The following CNTLN variants were observed in gnomAD, a reference collection of about 807,000 sequenced individuals.
CNTLN encodes the protein centlein, centrosomal protein.
A neutral mutation model predicts 180.0 loss-of-function variants in CNTLN; 212 were observed. The ratio of observed to expected loss-of-function variants is 1.18; its 90% CI spans 1.05 to 1.32. CNTLN has a LOEUF of 1.32. Among genes scored for constraint, CNTLN ranks in the 40% most tolerant of loss-of-function variants. The pLI, the probability that CNTLN is intolerant of heterozygous loss-of-function variation, is 0.00. For synonymous variants in CNTLN, 722 were observed against 563.1 expected (o/e 1.28, Z -3.99); for missense variants, 2,095 against 1,610.9 (o/e 1.30, Z -5.14).
chr9:17,513,076 C>T, the CNTLN span, among the ~76,000 whole-genome samples: 18 of 152,240 alleles, frequency 1.2e-4, no homozygotes, highest in Non-Finnish European at 2.5e-4. Context: ...TCCTTGGCCT[C>T]CCAAAGTGCT....
At chr9:17,195,043 A>G (rs1822042717) in intron 2 of CNTLN, among the ~76,000 whole-genome samples, 1 of 152,146 alleles carries the variant, frequency 6.6e-6, no homozygotes, top group African/African-American at 2.4e-5. Flanking sequence ...CCCTCCCATA[A>G]CGTGGGAATT....
chr9:17,504,007 G>A (rs574512922), downstream of CNTLN: 10 of 152,558 alleles, frequency 6.6e-5, no homozygotes, highest in African/African-American at 2.4e-4. Flanking sequence ...GGAAGAGACT[G>A]TGCTTCTCTC....
chr9:17,464,691 A>G (rs1199452898), intron 21 of CNTLN, 68 bp downstream of exon 21: 3 of 987,094 alleles, frequency 3.0e-6, no homozygotes, highest in Non-Finnish European at 4.4e-6. Context: ...CTTACCACAA[A>G]CATTTAATCC....
At chr9:17,400,611 T>G (rs1490284124) in intron 15 of CNTLN, among the ~76,000 whole-genome samples, 1 of 152,212 alleles carries the variant, frequency 6.6e-6, no homozygotes, top group Non-Finnish European at 1.5e-5. Context: ...GATAGGATCA[T>G]ATTCATAGAT....
chr9:17,383,404 C>G (rs1046413107), intron 13 of CNTLN, among the ~76,000 whole-genome samples: 1 of 151,712 alleles, frequency 6.6e-6, no homozygotes, highest in Admixed American at 6.6e-5. Flanking sequence ...CTACCAGCTA[C>G]TTGGGTCGCT....
Position 17,235,695 on chromosome 9 carries a change from TA to T in CNTLN, c.576del (p.Lys192AsnfsTer6), listed in dbSNP as rs1451166697. 1.9e-6 allele frequency: 3 copies of T among 1,608,838 alleles called. No homozygotes were observed. The highest frequency in any genetic ancestry group is 2.2e-5 in the East Asian group (1 of 44,532). Reference sequence around the variant, plus strand: ...CTGAAACAGGAAATAAATGACCTTGTAAAACGGAAAATTGCAGTAGATGAAG... The same window carrying T: ...CTGAAACAGGAAATAAATGACCTTGTAAACGGAAAATTGCAGTAGATGAAG... Reference protein sequence around the residue: ...SVLKQEINDLVKRKIAVDEEN... With the variant: ...SVLKQEINDLXKRKIAVDEEN... On this transcript the variant is annotated frameshift_variant, in exon 4 of 26. Transcript: ENST00000380647. LOFTEE classifies it high-confidence loss of function.
Position 17,273,875 on chromosome 9 carries a change from A to G in CNTLN, c.983+9A>G. On this transcript the variant is annotated intron_variant, in intron 6 of 25. Transcript: ENST00000380647. ...GATATTACCCTGGTCAGGCAAGTAT[A>G]TTCAATTTTTAATTTAACATCATAG... The G allele has an allele frequency of 3.9e-6, 6 of 1,534,686 alleles. No individual in the cohort carries two copies. The highest frequency in any genetic ancestry group is 4.4e-6 in the Non-Finnish European group (5 of 1,145,228).
chr9:17,149,705 G>A (rs1818720625), intron 2 of CNTLN, among the ~76,000 whole-genome samples: 1 of 151,696 alleles, frequency 6.6e-6, no homozygotes, highest in African/African-American at 2.4e-5. Flanking sequence ...TTTTAGTAGA[G>A]ACGGGGTTTC....
intron 2 of CNTLN, among the ~76,000 whole-genome samples, chr9:17,196,982 C>T: frequency 6.6e-6 from 1 of 152,148 alleles, no homozygotes; most frequent in East Asian, 1.9e-4. Flanking sequence ...TGCCCATTAA[C>T]CCCCTCCGTT....
chr9:17,395,151 T>C, intron 15 of CNTLN, 82 bp downstream of exon 15: 1 of 1,478,306 alleles, frequency 6.8e-7, no homozygotes, highest in East Asian at 2.3e-5. Context: ...GAATTTCAAC[T>C]ACTGTCGATT....
intron 5 of CNTLN, among the ~76,000 whole-genome samples, chr9:17,250,627 C>A (rs147094563): frequency 1.3e-5 from 2 of 152,164 alleles, no homozygotes; most frequent in Admixed American, 1.3e-4. Flanking sequence ...TCCTCTACAG[C>A]TTTGTCCATC....
At chr9:17,176,255 A>G (rs1587009159) in intron 2 of CNTLN, among the ~76,000 whole-genome samples, 1 of 151,828 alleles carries the variant, frequency 6.6e-6, no homozygotes, top group African/African-American at 2.4e-5. Context: ...TATCAAGTTG[A>G]GGAAATTTTC....
chr9:17,284,824 C>A (rs1828881201), intron 6 of CNTLN, among the ~76,000 whole-genome samples: 1 of 151,646 alleles, frequency 6.6e-6, no homozygotes, highest in Non-Finnish European at 1.5e-5. Flanking sequence ...GCTCTTGGTT[C>A]TCTATTTCTT....
chr9:17,297,463 T>G (rs1484492963), intron 6 of CNTLN, among the ~76,000 whole-genome samples: 1 of 152,232 alleles, frequency 6.6e-6, no homozygotes, highest in African/African-American at 2.4e-5. Context: ...TTGTATAATC[T>G]GTATCACACA....
At chr9:17,295,997 AGTGTGTGTGTGTGTGTGTGTGT>A (rs66515360) in intron 6 of CNTLN, among the ~76,000 whole-genome samples, 1 of 91,290 alleles carries the variant, frequency 1.1e-5, no homozygotes. Flanking sequence ...AGAGAGAGAG[AGTGTGTGTGTGTGTGTGTGTGT>A]GTGTGTGTGT....
At chr9:17,152,231 T>C (rs1818938514) in intron 2 of CNTLN, among the ~76,000 whole-genome samples, 1 of 152,198 alleles carries the variant, frequency 6.6e-6, no homozygotes, top group African/African-American at 2.4e-5. Flanking sequence ...GTTGCTTCTC[T>C]AGTCCTTTTA....
intron 15 of CNTLN, among the ~76,000 whole-genome samples, chr9:17,400,199 G>A (rs1282115455): frequency 8.6e-5 from 13 of 152,018 alleles, no homozygotes; most frequent in Admixed American, 5.2e-4. Context: ...GTGCAATGGC[G>A]TGGTCTCGGC....
chr9:17,282,546 C>G (rs545660814), intron 6 of CNTLN, among the ~76,000 whole-genome samples: 1 of 152,214 alleles, frequency 6.6e-6, no homozygotes, highest in East Asian at 1.9e-4. Context: ...TGCCTGTTCA[C>G]TTGATGATAG....
intron 8 of CNTLN, among the ~76,000 whole-genome samples, chr9:17,309,603 A>T (rs974190616): frequency 2.0e-5 from 3 of 152,096 alleles, no homozygotes; most frequent in African/African-American, 7.2e-5. Flanking sequence ...TAAGTTTCAT[A>T]AAGTACTTGC....
Sources: gnomAD v4.1 joint callset for allele counts (sites outside exome capture counted in the v4.1 genomes callset) on GRCh38, gnomAD v4.1.1 for gene constraint, MANE v1.5 for transcripts, NCBI Gene and HGNC (gene_info 2026-07-23, HGNC 2026-07-21) for gene names.